Variants in USH2A observed in about 807,000 individuals in gnomAD.
The protein encoded by USH2A is usherin.
Under a neutral mutation model 538.9 loss-of-function variants are expected in USH2A, and 443 were observed. The observed-to-expected ratio is 0.82, with a 90% confidence interval of 0.76 to 0.89. The LOEUF (loss-of-function observed/expected upper bound fraction) is 0.89. Ranked by LOEUF, USH2A falls within the 40% of genes least tolerant of loss-of-function variation. USH2A has a pLI of 0.00. For missense variants in USH2A, 6,633 were observed against 6,324.8 expected (o/e 1.05, Z -1.65); for synonymous variants, 2,413 against 2,273.5 (o/e 1.06, Z -1.75).
intron 64 of USH2A, among the ~76,000 whole-genome samples, chr1:215,651,164 A>T (rs1252676177): frequency 1.3e-5 from 2 of 152,204 alleles, no homozygotes; most frequent in Admixed American, 1.3e-4. Context: ...ACTACAAAAA[A>T]CTCAGCAATT....
chr1:216,163,794 T>TC (rs1195840346), intron 21 of USH2A, among the ~76,000 whole-genome samples: 7 of 151,920 alleles, frequency 4.6e-5, no homozygotes, highest in African/African-American at 1.7e-4. Context: ...CTTTTTTTTT[T>TC]CCCTAAGACT....
chr1:216,026,690 G>A (rs912182686), intron 32 of USH2A, among the ~76,000 whole-genome samples: 3 of 152,156 alleles, frequency 2.0e-5, no homozygotes, highest in African/African-American at 7.2e-5. Context: ...GATGAAAGAT[G>A]AAAGATAAAG....
At chr1:215,642,967 A>G (rs1026366211) in intron 67 of USH2A, among the ~76,000 whole-genome samples, 3 of 152,186 alleles carry the variant, frequency 2.0e-5, no homozygotes, top group Admixed American at 2.0e-4. Context: ...GATCACATCT[A>G]TATAAAACTG....
chr1:215,655,716 CTAGT>C (rs1307767325), intron 64 of USH2A, among the ~76,000 whole-genome samples: 3 of 140,506 alleles, frequency 2.1e-5, no homozygotes, highest in African/African-American at 8.2e-5. Flanking sequence ...TGTTACTGTG[CTAGT>C]TATTCTTTTT....
intron 35 of USH2A, among the ~76,000 whole-genome samples, chr1:215,992,639 A>G (rs1268955612): frequency 1.3e-5 from 2 of 152,236 alleles, no homozygotes; most frequent in Non-Finnish European, 2.9e-5. Flanking sequence ...CAATATGTAC[A>G]TGAACTTTCC....
intron 60 of USH2A, among the ~76,000 whole-genome samples, chr1:215,739,159 G>A (rs1462034729): frequency 6.6e-6 from 1 of 152,168 alleles, no homozygotes; most frequent in East Asian, 1.9e-4. Context: ...CCCTTCTGCT[G>A]TACTCAGAGG....
intron 47 of USH2A, among the ~76,000 whole-genome samples, chr1:215,819,184 G>A (rs1222239421): frequency 6.6e-6 from 1 of 151,716 alleles, no homozygotes; most frequent in Non-Finnish European, 1.5e-5. Context: ...CAAAAGTTAA[G>A]CAATAAAAAT....
At chr1:216,235,085 C>T (rs1313273775) in intron 13 of USH2A, among the ~76,000 whole-genome samples, 1 of 152,142 alleles carries the variant, frequency 6.6e-6, no homozygotes, top group Non-Finnish European at 1.5e-5. Flanking sequence ...TTAAAGATTA[C>T]CTCTTGCCTT....
intron 44 of USH2A, among the ~76,000 whole-genome samples, chr1:215,865,309 T>C (rs1664440595): frequency 6.6e-6 from 1 of 152,186 alleles, no homozygotes; most frequent in African/African-American, 2.4e-5. Flanking sequence ...GCAGATTGCA[T>C]TACCTACATC....
chr1:216,026,247 C>T (rs1668961768), intron 32 of USH2A, among the ~76,000 whole-genome samples: 1 of 152,108 alleles, frequency 6.6e-6, no homozygotes, highest in South Asian at 2.1e-4. Flanking sequence ...AAAATATGCA[C>T]CAACCTTGTG....
intron 3 of USH2A, among the ~76,000 whole-genome samples, chr1:216,411,309 A>C (rs553450707): frequency 6.6e-6 from 1 of 152,268 alleles, no homozygotes; most frequent in African/African-American, 2.4e-5. Flanking sequence ...GATCCTATGC[A>C]TTCTTTTGAA....
chr1:215,781,115 G>T (rs1284688044), intron 54 of USH2A, among the ~76,000 whole-genome samples: 1 of 151,966 alleles, frequency 6.6e-6, no homozygotes, highest in Non-Finnish European at 1.5e-5. Context: ...ATTCCCCAGT[G>T]CTCATCATCC....
At chr1:215,939,313 C>A (rs74570948) in intron 37 of USH2A, among the ~76,000 whole-genome samples, 1 of 152,126 alleles carries the variant, frequency 6.6e-6, no homozygotes, top group African/African-American at 2.4e-5. Flanking sequence ...ACTGCTCTTT[C>A]GGTCTATCCC....
chr1:215,803,365 A>T (rs2102783282), intron 49 of USH2A, among the ~76,000 whole-genome samples: 1 of 152,300 alleles, frequency 6.6e-6, no homozygotes, highest in East Asian at 1.9e-4. Flanking sequence ...AGATGACATG[A>T]TTGTATATCT....
chr1:216,260,696 C>T (rs79153590), intron 11 of USH2A, among the ~76,000 whole-genome samples: 3,771 of 152,206 alleles, frequency 0.025, 146 homozygotes, highest in African/African-American at 0.081. Context: ...ACTAATCCTA[C>T]TCCACAGTGA....
intron 67 of USH2A, 90 bp downstream of exon 67, chr1:215,647,432 T>C (rs1170401832): frequency 6.5e-7 from 1 of 1,527,910 alleles, no homozygotes; most frequent in Non-Finnish European, 9.0e-7. Context: ...TCAATCTGTT[T>C]TTAAAAGTGG....
chr1:215,838,589 G>A (rs1229243564), intron 46 of USH2A, among the ~76,000 whole-genome samples: 1 of 152,184 alleles, frequency 6.6e-6, no homozygotes, highest in African/African-American at 2.4e-5. Flanking sequence ...CAATATGGCT[G>A]AGGTATTTTA....
intron 20 of USH2A, among the ~76,000 whole-genome samples, chr1:216,176,213 A>T (rs536878378): frequency 6.6e-6 from 1 of 151,890 alleles, no homozygotes; most frequent in South Asian, 2.1e-4. Context: ...GCAATGTGCC[A>T]GGGGTAACCT....
chr1:216,398,023 TTC>T (rs1174138729), intron 3 of USH2A, among the ~76,000 whole-genome samples: 1 of 152,222 alleles, frequency 6.6e-6, no homozygotes, highest in Non-Finnish European at 1.5e-5. Context: ...CAAGCATATC[TTC>T]TCTCTCTTTT....
Sources: gnomAD v4.1 joint callset for allele counts (sites outside exome capture counted in the v4.1 genomes callset) on GRCh38, gnomAD v4.1.1 for gene constraint, MANE v1.5 for transcripts, NCBI Gene and HGNC (gene_info 2026-07-23, HGNC 2026-07-21) for gene names.